COG3: variants seen among roughly 807,000 people sequenced by gnomAD.
The protein encoded by COG3 is component of oligomeric golgi complex 3, also known as conserved oligomeric Golgi complex subunit 3.
Under a neutral mutation model 114.1 loss-of-function variants are expected in COG3, and 32 were observed. That is an observed-to-expected ratio of 0.28 (90% confidence interval 0.21 to 0.38). COG3 has a LOEUF of 0.38. COG3 is among the 10% of genes least tolerant of loss of function. The pLI, the probability that COG3 is intolerant of heterozygous loss-of-function variation, is 1.00. For synonymous variants in COG3, 352 were observed against 365.7 expected (o/e 0.96, Z 0.43); for missense variants, 813 against 973.2 (o/e 0.84, Z 2.19).
chr13:45,494,858 T>G (rs1868551386), intron 12 of COG3, among the ~76,000 whole-genome samples: 1 of 79,550 alleles, frequency 1.3e-5, no homozygotes, highest in South Asian at 5.4e-4. Context: ...TCTTTTTTTC[T>G]CTTTTCTTTT....
At chr13:45,529,713 T>C in intron 20 of COG3, 78 bp from the exon 21 acceptor site, 1 of 1,102,410 alleles carries the variant, frequency 9.1e-7, no homozygotes, top group African/African-American at 1.6e-5. Flanking sequence ...TTTTTCTCCC[T>C]TTATTCCCCT....
chr13:45,505,448 C>T (rs978705699), intron 14 of COG3, among the ~76,000 whole-genome samples: 11 of 151,318 alleles, frequency 7.3e-5, no homozygotes, highest in African/African-American at 2.4e-4. Context: ...ACTACAGGTG[C>T]ACACCAGCAC....
chr13:45,483,156 C>G, intron 6 of COG3, 74 bp from the exon 7 acceptor site: 1 of 1,137,632 alleles, frequency 8.8e-7, no homozygotes, highest in Non-Finnish European at 1.3e-6. Flanking sequence ...ATAGGGACAC[C>G]TTGGTTTTCA....
At position 45,534,666 on chromosome 13, in the gene COG3, A is replaced by G. The variant is rs111437868; in HGVS notation, c.2458-36A>G. On this transcript the variant is annotated intron_variant, in intron 22 of 22. Coordinates refer to ENST00000349995, the MANE Select transcript of COG3 (RefSeq NM_031431.4). ...ACTTTTCTTGAGGACGGTATTCCAT[A>G]GGAGAACTAACATAGCTCTTAATTT... 1,586 of 1,490,724 alleles carry G rather than the reference A, an allele frequency of 1.1e-3. 15 individuals carry two copies. In the African/African-American group the frequency reaches 0.02, roughly 19 times the overall value. The allele number at this position is 1,490,724 out of a possible 1,614,324, so 92.3% of individuals were successfully genotyped here. A position where few individuals can be genotyped will look rare whatever the true frequency, so the allele number is the denominator to read the frequency against.
chr13:45,531,125 TA>T (rs1395011758), intron 22 of COG3: 2 of 960,992 alleles, frequency 2.1e-6, no homozygotes, highest in African/African-American at 1.8e-5. Context: ...ATACATTTTT[TA>T]AAAAAATTTT....
rs377469202 is a variant in COG3, at chr13:45,529,781, T to G, written c.2231-10T>G. On this transcript the variant is annotated splice_polypyrimidine_tract_variant and intron_variant, in intron 20 of 22. Transcript: ENST00000349995. ...TCTTTATGACACTAATGAGGTTACTTTATTTCCAGCAAAGGTCAATGACCT... is the reference window on the plus strand; with the variant it reads ...TCTTTATGACACTAATGAGGTTACTGTATTTCCAGCAAAGGTCAATGACCT... 6 of 1,601,190 alleles carry G rather than the reference T, an allele frequency of 3.7e-6. No individual in the cohort carries two copies. In the African/African-American group the frequency reaches 6.7e-5, roughly 18 times the overall value.
intron 13 of COG3, among the ~76,000 whole-genome samples, chr13:45,500,092 GTGTATATATATATATATA>G (rs749930098): frequency 1.3e-3 from 54 of 41,600 alleles, no homozygotes; most frequent in Admixed American, 9.4e-3. Flanking sequence ...GTGTGTGTGT[GTGTATATATATATATATA>G]TATATAAAAA....
chr13:45,465,882 C>T (rs971843544), intron 1 of COG3: 1 of 152,188 alleles, frequency 6.6e-6, no homozygotes, highest in African/African-American at 2.4e-5. Context: ...AATCCACTTA[C>T]CATTAGGATA....
intron 1 of COG3, among the ~76,000 whole-genome samples, chr13:45,473,091 G>C (rs910776883): frequency 2.0e-5 from 3 of 152,130 alleles, no homozygotes; most frequent in Non-Finnish European, 4.4e-5. Flanking sequence ...GGATGGTCTT[G>C]ATCTCCTGAC....
At chr13:45,499,784 G>T (rs1304230358) in intron 13 of COG3, among the ~76,000 whole-genome samples, 1 of 152,126 alleles carries the variant, frequency 6.6e-6, no homozygotes, top group Non-Finnish European at 1.5e-5. Context: ...CACTGTGGGA[G>T]GCCAAGGTGG....
chr13:45,475,391 CG>C (rs1212229747), intron 1 of COG3, among the ~76,000 whole-genome samples: 4 of 151,534 alleles, frequency 2.6e-5, no homozygotes, highest in Admixed American at 2.0e-4. Flanking sequence ...TCAGTAGAGA[CG>C]GGGGTGTCAC....
chr13:45,513,190 TATATATATAATATATA>T, intron 16 of COG3, among the ~76,000 whole-genome samples: 1 of 121,564 alleles, frequency 8.2e-6, no homozygotes, highest in Non-Finnish European at 1.8e-5. Context: ...CTTTTATATA[TATATATATAATATATA>T]CATATAAATT....
chr13:45,486,288 A>G (rs955778382), intron 7 of COG3, among the ~76,000 whole-genome samples: 1 of 117,970 alleles, frequency 8.5e-6, no homozygotes, highest in Non-Finnish European at 1.7e-5. Context: ...GAGGGAGACC[A>G]TCGGGAGACG....
intron 1 of COG3, among the ~76,000 whole-genome samples, chr13:45,471,440 T>C (rs908273989): frequency 1.3e-5 from 2 of 152,040 alleles, no homozygotes; most frequent in East Asian, 3.9e-4. Context: ...CAAAACAGTA[T>C]TCTTCCATTT....
intron 13 of COG3, among the ~76,000 whole-genome samples, chr13:45,497,843 C>G (rs1403725670): frequency 2.0e-5 from 3 of 150,746 alleles, no homozygotes; most frequent in Non-Finnish European, 4.4e-5. Context: ...CAAGGCTAAG[C>G]AGGACGGAAT....
At chr13:45,483,502 T>C (rs936468426) in intron 7 of COG3, 147 bp downstream of exon 7, 10 of 460,060 alleles carry the variant, frequency 2.2e-5, no homozygotes, top group African/African-American at 2.0e-4. Flanking sequence ...GCTTTTTATT[T>C]ATAGTAGGGA....
chr13:45,477,905 C>T lies in COG3; in HGVS notation c.322-1100C>T, dbSNP rs955078474. ...CCTCCCAAAGTGCTAGGATTACAGGCGTGAGCTACCATTCCCGGCCCCACA... is the reference window on the plus strand; with the variant it reads ...CCTCCCAAAGTGCTAGGATTACAGGTGTGAGCTACCATTCCCGGCCCCACA... On this transcript the variant is annotated intron_variant, in intron 2 of 22. Transcript: ENST00000349995. 4.6e-5 allele frequency among the ~76,000 whole-genome samples: 7 copies of T among 152,076 alleles called. No homozygotes were observed. In the South Asian group the frequency reaches 6.2e-4, roughly 13 times the overall value.
chr13:45,531,773 T>C (rs1446079900), intron 22 of COG3, among the ~76,000 whole-genome samples: 2 of 152,136 alleles, frequency 1.3e-5, no homozygotes, highest in African/African-American at 4.8e-5. Flanking sequence ...CCTAAAGTGC[T>C]GGGATTACAG....
At chr13:45,468,269 CATG>C (rs1885267207) in intron 1 of COG3, among the ~76,000 whole-genome samples, 5 of 152,292 alleles carry the variant, frequency 3.3e-5, no homozygotes, top group Admixed American at 3.3e-4. Context: ...GGACTTAACT[CATG>C]ATGAGTACTT....
Sources: allele counts gnomAD v4.1 joint callset (sites outside exome capture counted in the v4.1 genomes callset), GRCh38; gene constraint gnomAD v4.1.1; transcripts MANE v1.5; gene names NCBI Gene and HGNC (gene_info 2026-07-23, HGNC 2026-07-21).